KIAA1217: variants seen among roughly 807,000 people sequenced by gnomAD.
KIAA1217 encodes the protein sickle tail protein homolog.
A neutral mutation model predicts 163.9 loss-of-function variants in KIAA1217; 88 were observed. The observed-to-expected ratio is 0.54, with a 90% confidence interval of 0.45 to 0.64. The LOEUF (loss-of-function observed/expected upper bound fraction) is 0.64. Among genes scored for constraint, KIAA1217 ranks in the 30% least tolerant of loss-of-function variants. KIAA1217 has a pLI of 0.00. For synonymous variants in KIAA1217, 903 were observed against 923.1 expected (o/e 0.98, Z 0.39); for missense variants, 2,372 against 2,475.0 (o/e 0.96, Z 0.88).
chr10:24,544,278 G>C lies in KIAA1217; in HGVS notation c.5008G>C (p.Glu1670Gln), dbSNP rs1564910545. 1 of 1,613,936 alleles carries C rather than the reference G, an allele frequency of 6.2e-7. No individual in the cohort carries two copies. Among genetic ancestry groups the C allele is most frequent in the South Asian group, 1.1e-5 (1 of 91,078 alleles). Residue 1670 changes from glutamate to glutamine, a missense_variant, in exon 19 of 21, where the codon GAG becomes CAG. Around this residue, in one of 3 missense-constraint regions of KIAA1217, gnomAD observed 690 missense variants for 677.5 expected, o/e 1.02. Coordinates refer to ENST00000376454, the MANE Select transcript of KIAA1217 (RefSeq NM_019590.5). ...KNTYRTLDSL[E>Q]QTIKQLENTI... Reference sequence around the variant, plus strand: ...CACCTACAGAACATTGGATAGCCTGGAGCAGACCATTAAACAGCTCGAAAA... The same window carrying C: ...CACCTACAGAACATTGGATAGCCTGCAGCAGACCATTAAACAGCTCGAAAA...
chr10:24,295,739 T>A (rs1011790976), intron 2 of KIAA1217, among the ~76,000 whole-genome samples: 3 of 152,114 alleles, frequency 2.0e-5, no homozygotes, highest in African/African-American at 7.2e-5. Flanking sequence ...CTGCCGGGCA[T>A]CCTCTCCCTT....
chr10:23,966,936 T>A (rs1428921289), intron 1 of KIAA1217, among the ~76,000 whole-genome samples: 1 of 152,232 alleles, frequency 6.6e-6, no homozygotes, highest in Non-Finnish European at 1.5e-5. Context: ...GTCTTTGGTT[T>A]GACAAGTGAC....
chr10:24,209,130 G>T, upstream of KIAA1217: 2 of 1,515,672 alleles, frequency 1.3e-6, no homozygotes, highest in South Asian at 2.3e-5. Context: ...CGCTTTCTGG[G>T]AGCTTTTAGA....
At chr10:23,983,872 A>G (rs762066146) in intron 1 of KIAA1217, among the ~76,000 whole-genome samples, 1 of 152,198 alleles carries the variant, frequency 6.6e-6, no homozygotes, top group Non-Finnish European at 1.5e-5. Context: ...TGCTCTTCTT[A>G]ATATGGGCTT....
chr10:24,003,660 G>A (rs1846855610), intron 1 of KIAA1217, among the ~76,000 whole-genome samples: 1 of 152,100 alleles, frequency 6.6e-6, no homozygotes, highest in African/African-American at 2.4e-5. Flanking sequence ...AAAAGGGGTG[G>A]GTTTCACAAC....
intron 2 of KIAA1217, among the ~76,000 whole-genome samples, chr10:24,342,002 A>C (rs1279755954): frequency 6.6e-6 from 1 of 152,262 alleles, no homozygotes; most frequent in Admixed American, 6.5e-5. Context: ...AATTTAAGGA[A>C]GTCTACCAGA....
intron 1 of KIAA1217, among the ~76,000 whole-genome samples, chr10:23,842,227 T>G (rs1838822050): frequency 6.6e-6 from 1 of 152,228 alleles, no homozygotes; most frequent in South Asian, 2.1e-4. Context: ...GCAGACCAGT[T>G]TTCTGTTTTC....
chr10:23,919,978 C>A (rs1842795137), intron 1 of KIAA1217, among the ~76,000 whole-genome samples: 1 of 152,044 alleles, frequency 6.6e-6, no homozygotes, highest in South Asian at 2.1e-4. Flanking sequence ...AGAGGGCTTC[C>A]AAGAAATGCC....
intron 2 of KIAA1217, among the ~76,000 whole-genome samples, chr10:24,193,134 G>C (rs2066806689): frequency 6.6e-6 from 1 of 152,040 alleles, no homozygotes; most frequent in Non-Finnish European, 1.5e-5. Flanking sequence ...GCCCAGGCTA[G>C]TCTTAAATTC....
chr10:24,223,974 T>C (rs1210924026), intron 2 of KIAA1217, among the ~76,000 whole-genome samples: 1 of 152,064 alleles, frequency 6.6e-6, no homozygotes, highest in Non-Finnish European at 1.5e-5. Flanking sequence ...CAAATCTGAC[T>C]TCAAACACTG....
chr10:24,311,351 G>A (rs780547118), intron 2 of KIAA1217, among the ~76,000 whole-genome samples: 4 of 152,190 alleles, frequency 2.6e-5, no homozygotes, highest in Non-Finnish European at 5.9e-5. Flanking sequence ...CTTGAGGGTG[G>A]TGAACGGGTC....
chr10:23,723,717 G>A (rs1024129438), intron 1 of KIAA1217, among the ~76,000 whole-genome samples: 10 of 152,122 alleles, frequency 6.6e-5, no homozygotes, highest in African/African-American at 2.2e-4. Flanking sequence ...CATTTTTAAA[G>A]AGATCCTTGC....
At chr10:23,759,772 G>A (rs1334195319) in intron 1 of KIAA1217, among the ~76,000 whole-genome samples, 1 of 152,166 alleles carries the variant, frequency 6.6e-6, no homozygotes, top group Non-Finnish European at 1.5e-5. Context: ...ATCAGACTTT[G>A]AACAAAGTGC....
At chr10:24,320,457 T>C (rs2043992293) in intron 2 of KIAA1217, among the ~76,000 whole-genome samples, 1 of 152,244 alleles carries the variant, frequency 6.6e-6, no homozygotes, top group Non-Finnish European at 1.5e-5. Flanking sequence ...TTTAAATTTC[T>C]CCTAATCCTG....
At position 24,292,916 on chromosome 10, in the gene KIAA1217, T is replaced by A. The variant is rs897635764; in HGVS notation, c.354+73007T>A. 3.3e-5 allele frequency among the ~76,000 whole-genome samples: 5 copies of A among 152,084 alleles called. No homozygotes were observed. The East Asian group carries it at 9.6e-4, about 29-fold the overall frequency. On this transcript the variant is annotated intron_variant, in intron 2 of 20. Transcript: ENST00000376454. ...GCCTGAAATATGATCTGAGTATATC[T>A]GGAAATACGCAGACATCTAGTACTT...
chr10:24,429,915 G>C (rs1403357621), intron 3 of KIAA1217, among the ~76,000 whole-genome samples: 9 of 152,080 alleles, frequency 5.9e-5, no homozygotes, highest in Admixed American at 5.9e-4. Flanking sequence ...GTCCGAGGTG[G>C]TCAGATCACT....
In KIAA1217 at chr10:23,933,668, T is replaced by C. The variant is rs557105246; in HGVS notation, c.-320-73557T>C. ...TCTAACAAAGGTCTAATATCCAGAA[T>C]TTACAAGGAACTTAAACATATTTAA... On this transcript the variant is annotated intron_variant, in intron 1 of 18. Coordinates refer to the KIAA1217 transcript ENST00000376462. Among the ~76,000 whole-genome samples the C allele has an allele frequency of 2.2e-4, 34 of 152,012 alleles. 1 individual carries two copies. In the South Asian group the frequency reaches 6.0e-3, roughly 27 times the overall value.
At chr10:23,738,125 AAAAGT>A (rs1243731463) in intron 1 of KIAA1217, among the ~76,000 whole-genome samples, 3 of 152,206 alleles carry the variant, frequency 2.0e-5, no homozygotes, top group Admixed American at 6.5e-5. Flanking sequence ...TATGGAAAAG[AAAAGT>A]ATAGTTGATT....
chr10:24,282,230 A>G lies in KIAA1217; in HGVS notation c.354+62321A>G, dbSNP rs562969964. 2.0e-5 allele frequency among the ~76,000 whole-genome samples: 3 copies of G among 152,030 alleles called. No homozygotes were observed. In the East Asian group the frequency reaches 5.8e-4, roughly 30 times the overall value. On this transcript the variant is annotated intron_variant, in intron 2 of 20. Coordinates refer to ENST00000376454, the MANE Select transcript of KIAA1217 (RefSeq NM_019590.5). ...AATTTTTTTTTCAAAAAAGAATACT[A>G]ATAATCTATATGATTTATTGCTATA... is the stretch of plus-strand genomic sequence containing the variant.
Sources: gnomAD v4.1 joint callset for allele counts (sites outside exome capture counted in the v4.1 genomes callset) on GRCh38, gnomAD v4.1.1 for gene constraint, gnomAD v4.1.1 regional missense constraint, MANE v1.5 for transcripts, NCBI Gene and HGNC (gene_info 2026-07-23, HGNC 2026-07-21) for gene names.